The following CAPN14 variants were observed in gnomAD, a reference collection of about 807,000 sequenced individuals.
The protein encoded by CAPN14 is calpain 14, also known as calpain-14.
A neutral mutation model predicts 101.3 loss-of-function variants in CAPN14; 94 were observed. The observed-to-expected ratio is 0.93, with a 90% CI of 0.79 to 1.10. The LOEUF (loss-of-function observed/expected upper bound fraction) is 1.10. CAPN14 is among the 50% of genes least tolerant of loss of function. CAPN14 has a pLI of 0.00. For synonymous variants in CAPN14, 338 were observed against 317.9 expected (o/e 1.06, Z -0.67); for missense variants, 837 against 828.4 (o/e 1.01, Z -0.13).
At chr2:31,226,004 T>C (rs1216064549) in intron 2 of CAPN14, among the ~76,000 whole-genome samples, 1 of 152,128 alleles carries the variant, frequency 6.6e-6, no homozygotes, top group East Asian at 1.9e-4. Context: ...TTATCAAAAG[T>C]TGTTGTAATT....
intron 1 of CAPN14, among the ~76,000 whole-genome samples, chr2:31,211,452 A>C (rs892141993): frequency 1.8e-4 from 28 of 152,146 alleles, no homozygotes; most frequent in African/African-American, 6.5e-4. Context: ...AAACAGCAAG[A>C]ACTAACTAGA....
upstream of CAPN14, among the ~76,000 whole-genome samples, chr2:31,219,005 A>G (rs953177004): frequency 4.6e-5 from 7 of 151,782 alleles, no homozygotes; most frequent in African/African-American, 1.7e-4. Flanking sequence ...TTTCATTTTC[A>G]TCTCCTCATC....
chr2:31,177,049 A>G lies in CAPN14; in HGVS notation c.1949T>C (p.Met650Thr). The G allele has an allele frequency of 1.3e-6, 2 of 1,551,464 alleles. No individual in the cohort carries two copies. The highest frequency in any genetic ancestry group is 2.4e-5 in the East Asian group (1 of 40,908). ...ACCCTCCATGTTCTCTACACGCAGC[A>G]TCAAGTGGATGAAACTGACAAAGTC... The part of the protein sequence containing the change: ...QMDFVSFIHL[M>T]LRVENMEDVF... The change falls in exon 20 of 22, where the codon ATG becomes ACG. Residue 650 changes from methionine (M) to threonine (T), a missense_variant. By Grantham distance (81) the Met-to-Thr change is moderately conservative. Transcript: ENST00000403897.
At chr2:31,223,769 C>A (rs1682935944) in intron 2 of CAPN14, among the ~76,000 whole-genome samples, 1 of 152,034 alleles carries the variant, frequency 6.6e-6, no homozygotes, top group African/African-American at 2.4e-5. Flanking sequence ...ACCTCGTGAT[C>A]CACCTGCCTT....
At chr2:31,184,030 C>T (rs10180414) in intron 16 of CAPN14, among the ~76,000 whole-genome samples, 50,635 of 151,922 alleles carry the variant, frequency 0.33, 10,026 homozygotes, top group African/African-American at 0.55. Context: ...TACAGGAGCG[C>T]GCCACCACAT....
At position 31,191,996 on chromosome 2, in the gene CAPN14, T is replaced by TTC; in HGVS notation, c.1215_1216dup (p.Lys406ArgfsTer23). On this transcript the variant is annotated frameshift_variant, in exon 11 of 22. Transcript: ENST00000403897. LOFTEE classifies it high-confidence loss of function. Reference sequence around the variant, plus strand: ...CCGCTTGCGGCACCTGTGCCTGGGCTTCTGGAGCAGGGACACCAGCACGCT... The same window carrying TTC: ...CCGCTTGCGGCACCTGTGCCTGGGCTTCTCTGGAGCAGGGACACCAGCACGCT... 2 of 1,551,636 alleles carry TTC rather than the reference T, an allele frequency of 1.3e-6. No individual in the cohort carries two copies. The highest frequency in any genetic ancestry group is 1.7e-6 in the Non-Finnish European group (2 of 1,146,970).
At position 31,174,343 on chromosome 2, in the gene CAPN14, G is replaced by A. The variant is rs892389153; in HGVS notation, c.*338C>T. The stretch of plus-strand genomic sequence containing the variant: ...AAAGTCACTTGAGTTTGCAGCCACA[G>A]AGGCAGTGTTGTATGGAGGCTAACC... On this transcript the variant is annotated 3_prime_UTR_variant, in exon 22 of 22. Coordinates refer to ENST00000403897, the MANE Select transcript of CAPN14 (RefSeq NM_001145122.2). 7 of 423,434 alleles carry A rather than the reference G, an allele frequency of 1.7e-5. No homozygotes were observed. Among genetic ancestry groups the A allele is most frequent in the African/African-American group, 1.4e-4 (7 of 49,524 alleles). 26.2% of individuals were successfully genotyped at this position (423,434 alleles called of 1,614,324 possible).
rs185869862 is a variant in CAPN14 at position 31,199,416 on chromosome 2, C to T, written c.789+54G>A. On this transcript the variant is annotated intron_variant, in intron 7 of 21. Coordinates refer to ENST00000403897, the MANE Select transcript of CAPN14 (RefSeq NM_001145122.2). The stretch of plus-strand genomic sequence containing the variant: ...AAATCCACCAAGATAAGCTAGGGTC[C>T]AGAGAGGGAAGGGCAAGGCTGAGAG... 33 of 1,428,072 alleles carry T rather than the reference C, an allele frequency of 2.3e-5. No homozygotes were observed. The Admixed American group carries it at 4.3e-4, about 19-fold the overall frequency. The allele number at this position is 1,428,072 out of a possible 1,614,324, so 88.5% of individuals were successfully genotyped here. A position where few individuals can be genotyped will look rare whatever the true frequency, so the allele number is the denominator to read the frequency against.
chr2:31,204,181 G>A (rs1260341204), intron 2 of CAPN14, among the ~76,000 whole-genome samples: 6 of 152,174 alleles, frequency 3.9e-5, no homozygotes, highest in Admixed American at 3.3e-4. Flanking sequence ...AGGACTGAGG[G>A]AGGGCTACAT....
intron 21 of CAPN14, among the ~76,000 whole-genome samples, chr2:31,175,981 C>T (rs1391587455): frequency 6.6e-6 from 1 of 152,206 alleles, no homozygotes; most frequent in Non-Finnish European, 1.5e-5. Flanking sequence ...TTCTCCTAGG[C>T]ATATCACTTC....
At chr2:31,209,080 C>T (rs896473275) in intron 1 of CAPN14, among the ~76,000 whole-genome samples, 1 of 151,932 alleles carries the variant, frequency 6.6e-6, no homozygotes. Context: ...AGGGATCCTT[C>T]TGCCTCAACC....
At chr2:31,218,904 C>T (rs1374637667), upstream of CAPN14, among the ~76,000 whole-genome samples, 2 of 152,210 alleles carry the variant, frequency 1.3e-5, no homozygotes, top group African/African-American at 4.8e-5. Flanking sequence ...GCCACCCTTC[C>T]TCGCATGGGT....
In CAPN14 at chr2:31,197,253, C is replaced by T; in HGVS notation, c.871G>A (p.Asp291Asn). ...CAAGATGTCCCCAAAGTTCACCTGT[C>T]ACTCCAGTCTCCTTTCCATTCCACC... ...GKVEWKGDWSDSSSKWELLSP... is the reference protein window; with the variant it reads ...GKVEWKGDWSNSSSKWELLSP... The change falls in exon 8 of 22, where the codon GAC becomes AAC. Residue 291 changes from aspartate to asparagine, a missense_variant. Coordinates refer to ENST00000403897, the MANE Select transcript of CAPN14 (RefSeq NM_001145122.2). The T allele has an allele frequency of 6.5e-7, 1 of 1,550,004 alleles. No homozygotes were observed. The highest frequency in any genetic ancestry group is 8.7e-7 in the Non-Finnish European group (1 of 1,145,094).
At position 31,211,413 on chromosome 2, in the gene CAPN14, T is replaced by C. The variant is rs1682396989; in HGVS notation, c.-52-5914A>G. ...GTCAATGAATACAAGTTAAATACAC[T>C]ATACAGAAACTCGGTGGTATTCTTT... is the stretch of plus-strand genomic sequence containing the variant. On this transcript the variant is annotated intron_variant, in intron 1 of 21. Transcript: ENST00000403897. 2.6e-5 allele frequency among the ~76,000 whole-genome samples: 4 copies of C among 152,202 alleles called. No homozygotes were observed. The South Asian group carries it at 8.3e-4, about 32-fold the overall frequency.
In CAPN14 at chr2:31,193,296, T is replaced by C. The variant is rs1193770945; in HGVS notation, c.951-2A>G. The C allele has an allele frequency of 1.9e-6, 3 of 1,551,344 alleles. No homozygotes were observed. The highest frequency in any genetic ancestry group is 1.2e-5 in the South Asian group (1 of 84,042). On this transcript the variant is annotated splice_acceptor_variant, in intron 9 of 21. Coordinates refer to ENST00000403897, the MANE Select transcript of CAPN14 (RefSeq NM_001145122.2). LOFTEE classifies it high-confidence loss of function. ...GTTTTAAAGTCCTGCAGCGTCATCCTGTGGAGAGAAGAAGGAAAAGCACAA... is the reference window on the plus strand; with the variant it reads ...GTTTTAAAGTCCTGCAGCGTCATCCCGTGGAGAGAAGAAGGAAAAGCACAA...
chr2:31,220,790 C>T (rs914017432), upstream of CAPN14, among the ~76,000 whole-genome samples: 1 of 152,184 alleles, frequency 6.6e-6, no homozygotes, highest in African/African-American at 2.4e-5. Flanking sequence ...GATCACGCCA[C>T]TAACTGACAA....
intron 1 of CAPN14, among the ~76,000 whole-genome samples, chr2:31,207,450 A>T (rs1165886937): frequency 1.3e-5 from 2 of 152,250 alleles, no homozygotes; most frequent in African/African-American, 4.8e-5. Context: ...ATTTTAAAAG[A>T]TACATAAAGT....
At chr2:31,204,408 T>C (rs943646663) in intron 2 of CAPN14, among the ~76,000 whole-genome samples, 3 of 152,134 alleles carry the variant, frequency 2.0e-5, no homozygotes, top group Non-Finnish European at 4.4e-5. Context: ...ATGCTAATGA[T>C]TGACTGGTGA....
chr2:31,180,898 C>T (rs1326141444), intron 17 of CAPN14, 38 bp downstream of exon 17: 1 of 1,526,942 alleles, frequency 6.5e-7, no homozygotes, highest in African/African-American at 1.4e-5. Context: ...AAGCTCTCAA[C>T]CAACAGCAAG....
Sources: gnomAD v4.1 joint callset for allele counts (sites outside exome capture counted in the v4.1 genomes callset) on GRCh38, gnomAD v4.1.1 for gene constraint, MANE v1.5 for transcripts, NCBI Gene and HGNC (gene_info 2026-07-23, HGNC 2026-07-21) for gene names.